Variants in DPYSL2 observed in about 807,000 individuals in gnomAD.
The protein encoded by DPYSL2 is dihydropyrimidinase-related protein 2.
DPYSL2 carries 13 observed loss-of-function variants against 69.9 expected under a neutral mutation model. That is an observed-to-expected ratio of 0.19 (90% CI 0.12 to 0.30). The LOEUF is 0.30. Among genes scored for constraint, DPYSL2 ranks in the 10% least tolerant of loss-of-function variants. DPYSL2 has a pLI of 1.00. For synonymous variants in DPYSL2, 326 were observed against 359.1 expected, an observed-to-expected ratio of 0.91 and a Z score of 1.04; for missense variants, 587 against 918.9, an observed-to-expected ratio of 0.64 and a Z score of 4.67.
intron 8 of DPYSL2, among the ~76,000 whole-genome samples, chr8:26,635,440 A>C (rs1172105123): frequency 6.6e-6 from 1 of 152,152 alleles, no homozygotes; most frequent in Non-Finnish European, 1.5e-5. Flanking sequence ...TGTCCACTGT[A>C]ACTAACTGAT....
At position 26,648,461 on chromosome 8, in the gene DPYSL2, AGT is replaced by A. The variant is rs1177056981; in HGVS notation, c.1596+663_1596+664del. The stretch of plus-strand genomic sequence containing the variant: ...TAATGTCTTACGCTCCTCAGCTGAG[AGT>A]GAGGGGTTCAGACGAGGTCTCCAAG... On this transcript the variant is annotated intron_variant, in intron 11 of 13. Coordinates refer to ENST00000521913, the MANE Select transcript of DPYSL2 (RefSeq NM_001197293.3). This position sits in a 1 kb window ranked among gnomAD's most constrained non-coding sequence, Gnocchi z 4.3. 6.6e-6 allele frequency among the ~76,000 whole-genome samples: 1 copy of A among 152,106 alleles called. No homozygotes were observed. The highest frequency in any genetic ancestry group is 2.4e-5 in the African/African-American group (1 of 41,388).
intron 1 of DPYSL2, among the ~76,000 whole-genome samples, chr8:26,519,723 G>A (rs1490360918): frequency 1.3e-5 from 2 of 151,980 alleles, no homozygotes; most frequent in Admixed American, 6.6e-5. Flanking sequence ...AGTCAATTAC[G>A]TGGCTCAGTT....
rs1801631913 is a variant in DPYSL2 at position 26,587,426 on chromosome 8, C to T, written c.628+3443C>T. Among the ~76,000 whole-genome samples, 1 of 152,202 alleles carries T rather than the reference C, an allele frequency of 6.6e-6. No individual in the cohort carries two copies. Among genetic ancestry groups the T allele is most frequent in the South Asian group, 2.1e-4 (1 of 4,826 alleles). On this transcript the variant is annotated intron_variant, in intron 3 of 13. Coordinates refer to ENST00000521913, the MANE Select transcript of DPYSL2 (RefSeq NM_001197293.3). The surrounding 1 kb of genome is among the most constrained non-coding windows in gnomAD (Gnocchi z 4.2). ...TTCTCCAGACCATGTCACCATGTCACCTGCCCTCACGGGTAAATCCTCGCC... is the reference window on the plus strand; with the variant it reads ...TTCTCCAGACCATGTCACCATGTCATCTGCCCTCACGGGTAAATCCTCGCC...
chr8:26,530,422 G>A (rs1800488231), intron 1 of DPYSL2, among the ~76,000 whole-genome samples: 1 of 152,152 alleles, frequency 6.6e-6, no homozygotes, highest in African/African-American at 2.4e-5. Flanking sequence ...TGGCATTTCC[G>A]TCACATCTTA....
At chr8:26,649,239 G>A (rs1056282851) in intron 11 of DPYSL2, among the ~76,000 whole-genome samples, 4 of 152,244 alleles carry the variant, frequency 2.6e-5, no homozygotes, top group Non-Finnish European at 4.4e-5. Context: ...ACCCAAAATT[G>A]TTCAGGACTC....
Position 26,588,020 on chromosome 8 carries a change from T to A in DPYSL2, c.628+4037T>A, listed in dbSNP as rs1801643042. On this transcript the variant is annotated intron_variant, in intron 3 of 13. Coordinates refer to ENST00000521913, the MANE Select transcript of DPYSL2 (RefSeq NM_001197293.3). This position sits in a 1 kb window ranked among gnomAD's most constrained non-coding sequence, Gnocchi z 5.4. Reference sequence around the variant, plus strand: ...GCTTGCCCTGGGGCCACCTTTGCTCTCAGCCTCAGTGGCCTCATCTGCAAA... The same window carrying A: ...GCTTGCCCTGGGGCCACCTTTGCTCACAGCCTCAGTGGCCTCATCTGCAAA... Among the ~76,000 whole-genome samples, 1 of 152,214 alleles carries A rather than the reference T, an allele frequency of 6.6e-6. No homozygotes were observed. The highest frequency in any genetic ancestry group is 1.5e-5 in the Non-Finnish European group (1 of 68,038).
chr8:26,578,528 C>A (rs1368170491), intron 1 of DPYSL2: 1 of 1,412,630 alleles, frequency 7.1e-7, no homozygotes, highest in Non-Finnish European at 9.2e-7. Flanking sequence ...ACGAAGGTAG[C>A]CTTAGGTAAC....
intron 1 of DPYSL2, among the ~76,000 whole-genome samples, chr8:26,546,366 T>C (rs1190321883): frequency 6.6e-6 from 1 of 152,214 alleles, no homozygotes; most frequent in African/African-American, 2.4e-5. Flanking sequence ...CTACAATTGC[T>C]TATCAGTTCC....
At chr8:26,529,214 TCA>T (rs1491363818) in intron 1 of DPYSL2, among the ~76,000 whole-genome samples, 2 of 152,096 alleles carry the variant, frequency 1.3e-5, no homozygotes, top group Non-Finnish European at 2.9e-5. Context: ...GATTCTGGCC[TCA>T]TATATATATA....
intron 7 of DPYSL2, among the ~76,000 whole-genome samples, chr8:26,633,144 C>T (rs189442790): frequency 5.4e-4 from 83 of 152,306 alleles, no homozygotes; most frequent in Non-Finnish European, 9.7e-4. Flanking sequence ...AAAATGAAAT[C>T]ATTTATATGC....
intron 1 of DPYSL2, among the ~76,000 whole-genome samples, chr8:26,566,916 C>T (rs1283399543): frequency 6.6e-6 from 1 of 152,056 alleles, no homozygotes; most frequent in Admixed American, 6.6e-5. Context: ...AGCATCCATC[C>T]TGCCATCATA....
chr8:26,554,970 A>G (rs773532927), intron 1 of DPYSL2, among the ~76,000 whole-genome samples: 1 of 152,230 alleles, frequency 6.6e-6, no homozygotes, highest in Non-Finnish European at 1.5e-5. Flanking sequence ...TCAACATTCA[A>G]AATCAATTAG....
chr8:26,575,353 G>GT lies in DPYSL2; in HGVS notation c.355-6606dup, dbSNP rs372287972. ...GAGGCCTGTTTACCTGTGGTTTTTT[G>GT]TTTTTTTTTTCACCTTCATCAGTGC... On this transcript the variant is annotated intron_variant, in intron 1 of 13. Transcript: ENST00000521913. 1.7e-3 allele frequency among the ~76,000 whole-genome samples: 244 copies of GT among 147,052 alleles called. 3 individuals carry two copies. The highest frequency in any genetic ancestry group is 4.5e-3 in the African/African-American group (179 of 40,038).
At chr8:26,570,961 T>A (rs1191160596) in intron 1 of DPYSL2, among the ~76,000 whole-genome samples, 3 of 152,212 alleles carry the variant, frequency 2.0e-5, no homozygotes, top group Non-Finnish European at 2.9e-5. Context: ...AGGTGCTCAA[T>A]ACATGTTAAT....
chr8:26,606,525 A>T (rs1168077014), intron 3 of DPYSL2, among the ~76,000 whole-genome samples: 1 of 152,192 alleles, frequency 6.6e-6, no homozygotes, highest in Non-Finnish European at 1.5e-5. Context: ...CATTTAAAAT[A>T]TGAAATTTTA....
At chr8:26,634,450 A>G (rs1464530489) in intron 7 of DPYSL2, among the ~76,000 whole-genome samples, 1 of 27,622 alleles carries the variant, frequency 3.6e-5, no homozygotes, top group Non-Finnish European at 1.1e-4. Context: ...TTTTTTTTTT[A>G]ATTGTATTTG....
In DPYSL2 at chr8:26,517,665, G is replaced by A. The variant is rs1218065007; in HGVS notation, c.354+2986G>A. Among the ~76,000 whole-genome samples the A allele has an allele frequency of 6.6e-6, 1 of 152,166 alleles. No individual in the cohort carries two copies. Among genetic ancestry groups the A allele is most frequent in the Non-Finnish European group, 1.5e-5 (1 of 68,028 alleles). Reference sequence around the variant, plus strand: ...GTAGCCAGAACCAGTGGCTCCACCAGCAATACTGGACCATAAGAATGCTTT... The same window carrying A: ...GTAGCCAGAACCAGTGGCTCCACCAACAATACTGGACCATAAGAATGCTTT... On this transcript the variant is annotated intron_variant, in intron 1 of 13. Transcript: ENST00000521913. The surrounding 1 kb of genome is among the most constrained non-coding windows in gnomAD (Gnocchi z 4.2).
Position 26,583,942 on chromosome 8 carries a change from A to C in DPYSL2, c.587A>C (p.Gln196Pro). The stretch of plus-strand genomic sequence containing the variant: ...ATGACGTCTGCTGATGATTTCTTCC[A>C]AGGAACCAAGGCGGCCCTGGCTGGG... ...QGMTSADDFFQGTKAALAGGT... is the reference protein window; with the variant it reads ...QGMTSADDFFPGTKAALAGGT... The change falls in exon 3 of 14, where the codon CAA (glutamine) becomes CCA (proline). Residue 196 changes from glutamine (Q) to proline (P), a missense_variant. Gln to Pro is a moderately conservative substitution (Grantham distance 76, BLOSUM62 -1). This residue lies in a region of DPYSL2 where 452 missense variants were observed against 754.3 expected (regional missense o/e 0.60). Transcript: ENST00000521913. The C allele has an allele frequency of 1.2e-6, 2 of 1,614,114 alleles. No individual in the cohort carries two copies. Among genetic ancestry groups the C allele is most frequent in the Non-Finnish European group, 1.7e-6 (2 of 1,180,014 alleles).
At chr8:26,528,874 T>A (rs547748151) in intron 1 of DPYSL2, among the ~76,000 whole-genome samples, 1 of 152,140 alleles carries the variant, frequency 6.6e-6, no homozygotes, top group East Asian at 1.9e-4. Flanking sequence ...CCAGTTTGGA[T>A]AACATTGATG....
Sources: gnomAD v4.1 joint callset for allele counts (sites outside exome capture counted in the v4.1 genomes callset) on GRCh38, gnomAD v4.1.1 for gene constraint, gnomAD v4.1.1 regional missense constraint, Gnocchi (gnomAD v3.1) non-coding constraint, MANE v1.5 for transcripts, NCBI Gene and HGNC (gene_info 2026-07-23, HGNC 2026-07-21) for gene names.